DDX25: variants seen among roughly 807,000 people sequenced by gnomAD.
DDX25 encodes the protein ATP-dependent RNA helicase DDX25.
DDX25 carries 70 observed loss-of-function variants against 64.6 expected under a neutral mutation model. The ratio of observed to expected loss-of-function variants is 1.08; its 90% CI spans 0.89 to 1.32. The LOEUF (loss-of-function observed/expected upper bound fraction) is 1.32, where lower values mean the gene tolerates loss of function less well. DDX25 is among the 40% of genes most tolerant of loss of function. The pLI, the probability that DDX25 is intolerant of heterozygous loss-of-function variation, is 0.00. For missense variants in DDX25, 587 were observed against 604.4 expected (o/e 0.97, Z 0.30); for synonymous variants, 211 against 213.3 (o/e 0.99, Z 0.09).
chr11:125,920,953 C>CACACAT (rs71048756), intron 10 of DDX25: 2 of 492,646 alleles, frequency 4.1e-6, no homozygotes, highest in South Asian at 2.7e-5. Flanking sequence ...CACACACACA[C>CACACAT]GCCTTGTGTA....
Position 125,928,186 on chromosome 11 carries a change from A to T in DDX25, c.*5305A>T, listed in dbSNP as rs1945184037. 1 of 152,248 alleles carries T rather than the reference A, an allele frequency of 6.6e-6. No homozygotes were observed. Among genetic ancestry groups the T allele is most frequent in the South Asian group, 2.1e-4 (1 of 4,838 alleles). The allele number at this position is 152,248 out of a possible 1,614,324, so 9.4% of individuals were successfully genotyped here. A position where few individuals can be genotyped will look rare whatever the true frequency, so the allele number is the denominator to read the frequency against. ...ACAATCCAATGACTTTATCATAAAA[A>T]TTATCAGCTTGATATAGTCCTGTTC... On this transcript the variant is annotated 3_prime_UTR_variant, in exon 12 of 12. Transcript: ENST00000263576.
rs1413790814 is a variant in DDX25 at position 125,925,645 on chromosome 11, C to T, written c.*2764C>T. ...TTGGCACCAAATACTAAACCAAATC[C>T]GTTAAGTTTATCTTGGCCAGCTTAA... On this transcript the variant is annotated 3_prime_UTR_variant, in exon 12 of 12. Transcript: ENST00000263576. The T allele has an allele frequency of 1.4e-5, 5 of 352,616 alleles. No homozygotes were observed. Among genetic ancestry groups the T allele is most frequent in the Non-Finnish European group, 2.3e-5 (4 of 174,132 alleles). The allele number at this position is 352,616 out of a possible 1,614,324, so 21.8% of individuals were successfully genotyped here. A position where few individuals can be genotyped will look rare whatever the true frequency, so the allele number is the denominator to read the frequency against.
chr11:125,908,179 A>AT lies in DDX25; in HGVS notation c.312-6dup, dbSNP rs5795465. 3,771 of 1,431,202 alleles carry AT rather than the reference A, an allele frequency of 2.6e-3. 1 individual carries two copies. Among genetic ancestry groups the AT allele is most frequent in the Non-Finnish European group, 3.2e-3 (3,318 of 1,051,258 alleles). 88.7% of individuals were successfully genotyped at this position (1,431,202 alleles called of 1,614,324 possible). A position where few individuals can be genotyped will look rare whatever the true frequency, so the allele number is the denominator to read the frequency against. On this transcript the variant is annotated splice_polypyrimidine_tract_variant and intron_variant, in intron 4 of 11. Transcript: ENST00000263576. Reference sequence around the variant, plus strand: ...ACCAACTATAATCTGTAAGTGTTTGATTTTTTTTTTTGACAGAAAGGAAGA... The same window carrying AT: ...ACCAACTATAATCTGTAAGTGTTTGATTTTTTTTTTTTGACAGAAAGGAAGA...
chr11:125,905,343 A>C, intron 2 of DDX25, 65 bp downstream of exon 2: 1 of 1,521,282 alleles, frequency 6.6e-7, no homozygotes, highest in Non-Finnish European at 8.9e-7. Context: ...TGCTTTCATC[A>C]CGTCCCTGCC....
rs1565462109 is a variant in DDX25 at position 125,906,145 on chromosome 11, G to A, written c.247G>A (p.Glu83Lys). ...QSLVESSHRV[E>K]VLQKDPSSPL... ...CTTAGTAGAATCCAGTCACCGTGTG[G>A]AAGTTTTACAGAAGGATCCCAGCTC... Residue 83 changes from glutamate to lysine, a missense_variant, in exon 4 of 12, where the codon GAA becomes AAA. Physicochemically the swap from Glu to Lys is moderately conservative, Grantham distance 56 (BLOSUM62 1). Coordinates refer to ENST00000263576, the MANE Select transcript of DDX25 (RefSeq NM_013264.5). The A allele has an allele frequency of 4.5e-6, 7 of 1,551,192 alleles. No homozygotes were observed. In the Admixed American group the frequency reaches 9.8e-5, roughly 22 times the overall value.
At position 125,910,003 on chromosome 11, in the gene DDX25, C is replaced by T. The variant is rs532227412; in HGVS notation, c.508-361C>T. ...AAATGAGAGGCTATGGGATAGAGCT[C>T]GAACTGTAATTTGCCTCGCATTCAT... On this transcript the variant is annotated intron_variant, in intron 6 of 11. Coordinates refer to ENST00000263576, the MANE Select transcript of DDX25 (RefSeq NM_013264.5). Among the ~76,000 whole-genome samples, 330 of 152,252 alleles carry T rather than the reference C, an allele frequency of 2.2e-3. 2 individuals are homozygous for T. Among genetic ancestry groups the T allele is most frequent in the Middle Eastern group, 6.8e-3 (2 of 294 alleles).
chr11:125,920,919 T>TATACACAC (rs1555106479), intron 10 of DDX25: 9 of 265,286 alleles, frequency 3.4e-5, no homozygotes, highest in African/African-American at 1.8e-4. Flanking sequence ...CACACACACA[T>TATACACAC]ACACACACAC....
At chr11:125,912,907 C>T (rs967134824) in intron 8 of DDX25, among the ~76,000 whole-genome samples, 1 of 152,144 alleles carries the variant, frequency 6.6e-6, no homozygotes, top group Admixed American at 6.5e-5. Flanking sequence ...CCAGTAGTCC[C>T]AGCACTTTGG....
upstream of DDX25, chr11:125,904,354 G>C (rs1944843292): frequency 1.9e-6 from 1 of 539,212 alleles, no homozygotes; most frequent in African/African-American, 2.0e-5. Context: ...CCCCTTCCGC[G>C]CGCCACCCAG....
rs1226616160 is a variant in DDX25 at position 125,927,416 on chromosome 11, A to G, written c.*4535A>G. On this transcript the variant is annotated 3_prime_UTR_variant, in exon 12 of 12. Coordinates refer to ENST00000263576, the MANE Select transcript of DDX25 (RefSeq NM_013264.5). The stretch of plus-strand genomic sequence containing the variant: ...TCTCTCTCCCTCTTGTATTCAGAAG[A>G]ACTGAAAGTTTTCATAAGTCTCTAG... 6.6e-6 allele frequency: 1 copy of G among 152,222 alleles called. No homozygotes were observed. Among genetic ancestry groups the G allele is most frequent in the African/African-American group, 2.4e-5 (1 of 41,456 alleles). 9.4% of individuals were successfully genotyped at this position (152,222 alleles called of 1,614,324 possible). A position where few individuals can be genotyped will look rare whatever the true frequency, so the allele number is the denominator to read the frequency against.
chr11:125,916,073 C>T (rs2134281184), intron 8 of DDX25, among the ~76,000 whole-genome samples: 1 of 152,234 alleles, frequency 6.6e-6, no homozygotes, highest in East Asian at 1.9e-4. Context: ...TGATCGAGAC[C>T]CTAGGCTTAA....
intron 7 of DDX25, among the ~76,000 whole-genome samples, chr11:125,910,773 T>C (rs944662063): frequency 1.3e-5 from 2 of 152,174 alleles, no homozygotes; most frequent in African/African-American, 4.8e-5. Flanking sequence ...TATTTTTGGA[T>C]TTTTCGTTAA....
chr11:125,928,316 A>G lies in DDX25; in HGVS notation c.*5435A>G, dbSNP rs549032470. The G allele has an allele frequency of 2.2e-4, 33 of 152,336 alleles. No homozygotes were observed. In the Middle Eastern group the frequency reaches 0.01, roughly 47 times the overall value. The allele number at this position is 152,336 out of a possible 1,614,324, so 9.4% of individuals were successfully genotyped here. On this transcript the variant is annotated 3_prime_UTR_variant, in exon 12 of 12. Transcript: ENST00000263576. Reference sequence around the variant, plus strand: ...CAGTGTTTGGGATTATATTTTCAAAATAATAATTGACCAGATTGTCCTATC... The same window carrying G: ...CAGTGTTTGGGATTATATTTTCAAAGTAATAATTGACCAGATTGTCCTATC...
At position 125,910,481 on chromosome 11, in the gene DDX25, A is replaced by G; in HGVS notation, c.622+3A>G. ...GTATGCCATTCGAGGGAATCGAAGT[A>G]TGTACCAGTAAGCCAGTCCTGGCTG... On this transcript the variant is annotated splice_donor_region_variant and intron_variant, in intron 7 of 11. Transcript: ENST00000263576. 6.2e-7 allele frequency: 1 copy of G among 1,613,562 alleles called. No homozygotes were observed. The highest frequency in any genetic ancestry group is 8.5e-7 in the Non-Finnish European group (1 of 1,179,526).
At chr11:125,920,627 G>T (rs1945097501) in intron 10 of DDX25, among the ~76,000 whole-genome samples, 1 of 152,118 alleles carries the variant, frequency 6.6e-6, no homozygotes, top group African/African-American at 2.4e-5. Flanking sequence ...TGGGCAGTGG[G>T]TTTTGAACGT....
At position 125,923,183 on chromosome 11, in the gene DDX25, T is replaced by C; in HGVS notation, c.*302T>C. ...ATTTGGTTGATACAATCTGAGCAGA[T>C]CGTGCCTCTTGGGAGCATCTTACTG... is the stretch of plus-strand genomic sequence containing the variant. On this transcript the variant is annotated 3_prime_UTR_variant, in exon 12 of 12. Coordinates refer to ENST00000263576, the MANE Select transcript of DDX25 (RefSeq NM_013264.5). The C allele has an allele frequency of 3.7e-6, 1 of 269,534 alleles. No homozygotes were observed. Among genetic ancestry groups the C allele is most frequent in the Non-Finnish European group, 7.0e-6 (1 of 142,266 alleles). 16.7% of individuals were successfully genotyped at this position (269,534 alleles called of 1,614,324 possible). A position where few individuals can be genotyped will look rare whatever the true frequency, so the allele number is the denominator to read the frequency against.
chr11:125,921,669 T>C lies in DDX25; in HGVS notation c.1390+290T>C, dbSNP rs1274566512. 7.3e-6 allele frequency: 2 copies of C among 272,864 alleles called. No individual in the cohort carries two copies. Among genetic ancestry groups the C allele is most frequent in the East Asian group, 7.1e-5 (1 of 14,130 alleles). 16.9% of individuals were successfully genotyped at this position (272,864 alleles called of 1,614,324 possible). On this transcript the variant is annotated intron_variant, in intron 11 of 11. Transcript: ENST00000263576. This position sits in a 1 kb window ranked among gnomAD's most constrained non-coding sequence, Gnocchi z 4.1. ...ACTTTGGGAGGCCGAGGTGGTCAGATCATGAGGTCAGGAAATCCAGACCAT... is the reference window on the plus strand; with the variant it reads ...ACTTTGGGAGGCCGAGGTGGTCAGACCATGAGGTCAGGAAATCCAGACCAT...
At chr11:125,905,421 C>T in intron 2 of DDX25, 132 bp from the exon 3 acceptor site, 1 of 1,325,388 alleles carries the variant, frequency 7.5e-7, no homozygotes, top group Non-Finnish European at 1.1e-6. Context: ...ATCGTTTCGT[C>T]CATTCCTCCA....
intron 6 of DDX25, among the ~76,000 whole-genome samples, chr11:125,908,850 C>A (rs1437715152): frequency 6.6e-6 from 1 of 152,158 alleles, no homozygotes; most frequent in Admixed American, 6.5e-5. Flanking sequence ...TAGCACAGTG[C>A]CTGGCTTGTA....
Sources: gnomAD v4.1 joint callset for allele counts (sites outside exome capture counted in the v4.1 genomes callset) on GRCh38, gnomAD v4.1.1 for gene constraint, Gnocchi (gnomAD v3.1) non-coding constraint, MANE v1.5 for transcripts, NCBI Gene and HGNC (gene_info 2026-07-23, HGNC 2026-07-21) for gene names.